The following KRT35 variants were observed in gnomAD, a reference collection of about 807,000 sequenced individuals.
KRT35 encodes keratin, type I cuticular Ha5.
KRT35 carries 33 observed loss-of-function variants against 42.2 expected under a neutral mutation model. The observed-to-expected ratio is 0.78, with a 90% confidence interval of 0.59 to 1.05. The LOEUF (loss-of-function observed/expected upper bound fraction) is 1.05, where lower values mean the gene tolerates loss of function less well. Ranked by LOEUF, KRT35 falls within the 50% of genes least tolerant of loss-of-function variation. The pLI, the probability that KRT35 is intolerant of heterozygous loss-of-function variation, is 0.00. For missense variants in KRT35, 585 were observed against 589.2 expected (o/e 0.99, Z 0.07); for synonymous variants, 218 against 238.2 (o/e 0.92, Z 0.78).
At chr17:41,479,276 C>G in intron 3 of KRT35, 71 bp downstream of exon 3, 8 of 1,517,970 alleles carry the variant, frequency 5.3e-6, no homozygotes, top group Non-Finnish European at 7.2e-6. Flanking sequence ...CAATGCTCAC[C>G]TCCTCCCCAT....
At chr17:41,478,257 A>G (rs1196631575) in intron 5 of KRT35, 104 bp downstream of exon 5, 1 of 1,299,104 alleles carries the variant, frequency 7.7e-7, no homozygotes, top group Non-Finnish European at 1.1e-6. Flanking sequence ...GCTCAAGAAC[A>G]TGGACCCCTG....
rs2019240766 is a variant in KRT35 at position 41,480,762 on chromosome 17, C to T, written c.336G>A (p.Leu112=). The T allele has an allele frequency of 1.2e-6, 2 of 1,614,256 alleles. No individual in the cohort carries two copies. The highest frequency in any genetic ancestry group is 1.7e-6 in the Non-Finnish European group (2 of 1,180,048). Reference sequence around the variant, plus strand: ...CCTGCTCCAGCTGACGCACCTTCTCCAGGTAGCCGGCCAGGCGGTCGTTCA... The same window carrying T: ...CCTGCTCCAGCTGACGCACCTTCTCTAGGTAGCCGGCCAGGCGGTCGTTCA... ...QSLNDRLAGY[L]EKVRQLEQEN... The change falls in exon 1 of 7, where the codon CTG becomes CTA. Residue 112 remains leucine, a synonymous_variant. Transcript: ENST00000246639.
At chr17:41,478,284 T>C in intron 5 of KRT35, 77 bp downstream of exon 5, 1 of 1,536,834 alleles carries the variant, frequency 6.5e-7, no homozygotes, top group East Asian at 2.3e-5. Context: ...GCCTGTGTGG[T>C]CAAAGCATGG....
intron 3 of KRT35, 118 bp downstream of exon 3, chr17:41,479,229 C>G: frequency 8.4e-7 from 1 of 1,194,490 alleles, no homozygotes; most frequent in South Asian, 1.4e-5. Flanking sequence ...CACACCTGCT[C>G]CCTCATGTTC....
At chr17:41,480,106 G>A (rs1008493241) in intron 1 of KRT35, among the ~76,000 whole-genome samples, 5 of 152,168 alleles carry the variant, frequency 3.3e-5, no homozygotes, top group African/African-American at 9.7e-5. Flanking sequence ...GCATTTCATT[G>A]CCAACAACAT....
At chr17:41,480,547 T>C (rs2019237121) in intron 1 of KRT35, 80 bp downstream of exon 1, 5 of 1,112,044 alleles carry the variant, frequency 4.5e-6, no homozygotes, top group African/African-American at 3.1e-5. Flanking sequence ...ACTTCCAACA[T>C]GCCCTATGGG....
At chr17:41,477,381 T>C (rs1173101324) in intron 6 of KRT35, 137 bp downstream of exon 6, 2 of 1,359,718 alleles carry the variant, frequency 1.5e-6, no homozygotes, top group African/African-American at 1.5e-5. Context: ...AGTCACGTGA[T>C]GAGTTTTCAG....
At chr17:41,479,253 C>T (rs748504597) in intron 3 of KRT35, 94 bp downstream of exon 3, 9 of 1,266,390 alleles carry the variant, frequency 7.1e-6, no homozygotes, top group Non-Finnish European at 9.4e-6. Context: ...TCCCCCTATG[C>T]TCACCTCATC....
chr17:41,477,640 C>T lies in KRT35; in HGVS notation c.1098G>A (p.Leu366=). 6.2e-7 allele frequency: 1 copy of T among 1,614,250 alleles called. No individual in the cohort carries two copies. Among genetic ancestry groups the T allele is most frequent in the Non-Finnish European group, 8.5e-7 (1 of 1,180,058 alleles). ...GCTCCAGGTCAGCCCGGATCTCGGC[C>T]AGCTGGGCCTCCACGTTGGTGATCA... ...QCMITNVEAQ[L]AEIRADLERQ... The change falls in exon 6 of 7, where the codon CTG becomes CTA. Residue 366 remains leucine (L), a synonymous_variant. Transcript: ENST00000246639.
chr17:41,477,633 T>C lies in KRT35; in HGVS notation c.1105A>G (p.Ile369Val). The change falls in exon 6 of 7, where the codon ATC (isoleucine) becomes GTC (valine). Residue 369 changes from isoleucine (I) to valine (V), a missense_variant. Transcript: ENST00000246639. ...TTCTGCCGCTCCAGGTCAGCCCGGA[T>C]CTCGGCCAGCTGGGCCTCCACGTTG... ...ITNVEAQLAE[I>V]RADLERQNQE... 1 of 1,614,248 alleles carries C rather than the reference T, an allele frequency of 6.2e-7. No homozygotes were observed. The highest frequency in any genetic ancestry group is 1.6e-4 in the Middle Eastern group (1 of 6,062).
rs2019183727 is a variant in KRT35 at position 41,477,186 on chromosome 17, C to A, written c.1238G>T (p.Cys413Phe). ...CTTGGAGGGTGAGTAGTCAGGTGCA[C>A]ATGGGTTACAGGGGAGCCTAGAAAA... is the stretch of plus-strand genomic sequence containing the variant. ...SEDSKLPCNP[C>F]APDYSPSKSC... is the part of the protein sequence containing the mutation. Residue 413 changes from cysteine to phenylalanine, a missense_variant, in exon 7 of 7, where the codon TGT becomes TTT. Coordinates refer to ENST00000246639, the MANE Select transcript of KRT35 (RefSeq NM_002280.6). 2 of 1,613,822 alleles carry A rather than the reference C, an allele frequency of 1.2e-6. No individual in the cohort carries two copies. Among genetic ancestry groups the A allele is most frequent in the East Asian group, 4.5e-5 (2 of 44,880 alleles).
chr17:41,477,700 G>C lies in KRT35; in HGVS notation c.1038C>G (p.Ala346=). 1 of 1,614,260 alleles carries C rather than the reference G, an allele frequency of 6.2e-7. No individual in the cohort carries two copies. Among genetic ancestry groups the C allele is most frequent in the South Asian group, 1.1e-5 (1 of 91,090 alleles). ...ALESTLAETE[A]RYSSQLAQMQ... is the part of the protein sequence containing the mutation. The stretch of plus-strand genomic sequence containing the variant: ...TCTGGGCCAGCTGGGAGCTATAGCG[G>C]GCCTCCGTCTCTGCCAGGGTGGATT... The change falls in exon 6 of 7, where the codon GCC becomes GCG. Residue 346 remains alanine (A), a synonymous_variant. Transcript: ENST00000246639.
At chr17:41,480,325 C>T (rs991488977) in intron 1 of KRT35, among the ~76,000 whole-genome samples, 9 of 152,184 alleles carry the variant, frequency 5.9e-5, no homozygotes, top group African/African-American at 2.2e-4. Context: ...GAAATGAAAA[C>T]TCAGAAGACT....
Position 41,477,483 on chromosome 17 carries a change from A to G in KRT35, c.1220+35T>C, listed in dbSNP as rs1481347779. ...GTCTTCCCAGAACTTGGTAGATTGC[A>G]GTGAGAAGACAAGAGCACATGCAGT... On this transcript the variant is annotated intron_variant, in intron 6 of 6. Transcript: ENST00000246639. 4 of 1,609,218 alleles carry G rather than the reference A, an allele frequency of 2.5e-6. No individual in the cohort carries two copies. In the East Asian group the frequency reaches 8.9e-5, roughly 36 times the overall value.
intron 5 of KRT35, 71 bp from the exon 6 acceptor site, chr17:41,477,809 C>T: frequency 6.6e-7 from 1 of 1,518,048 alleles, no homozygotes; most frequent in Non-Finnish European, 8.9e-7. Context: ...AGGAATCTTC[C>T]TTGGAGCTAT....
In KRT35 at chr17:41,480,667, T is replaced by C; in HGVS notation, c.431A>G (p.Tyr144Cys). ...CTCGATGGTCCGGAAGTAGGACTGGTAGTCAGGGCACATGTAGGGGACCTG... is the reference window on the plus strand; with the variant it reads ...CTCGATGGTCCGGAAGTAGGACTGGCAGTCAGGGCACATGTAGGGGACCTG... The part of the protein sequence containing the change: ...EQQVPYMCPD[Y>C]QSYFRTIEEL... Residue 144 changes from tyrosine (Y) to cysteine (C), a missense_variant, in exon 1 of 7, where the codon TAC becomes TGC. By Grantham distance (194) the Tyr-to-Cys change is radical. Transcript: ENST00000246639. 1.9e-6 allele frequency: 3 copies of C among 1,614,138 alleles called. No homozygotes were observed. In the Admixed American group the frequency reaches 5.0e-5, roughly 27 times the overall value.
chr17:41,477,527 T>A lies in KRT35; in HGVS notation c.1211A>T (p.Glu404Val). The change falls in exon 6 of 7, where the codon GAG becomes GTG. Residue 404 changes from glutamate (E) to valine (V), a missense_variant. Coordinates refer to ENST00000246639, the MANE Select transcript of KRT35 (RefSeq NM_002280.6). ...ATGCAGTGATACTCACTTGCTGTCC[T>A]CACTCTCCAGCAGGCCCCGGTACGT... ...INTYRGLLES[E>V]DSKLPCNPCA... is the part of the protein sequence containing the mutation. 6.2e-7 allele frequency: 1 copy of A among 1,613,348 alleles called. No individual in the cohort carries two copies.
At chr17:41,477,832 T>G in intron 5 of KRT35, 94 bp from the exon 6 acceptor site, 1 of 1,439,372 alleles carries the variant, frequency 6.9e-7, no homozygotes, top group South Asian at 1.4e-5. Context: ...CGGGCCTCCG[T>G]CTCTGCCAGG....
chr17:41,478,498 A>G lies in KRT35; in HGVS notation c.874-12T>C, dbSNP rs1567706285. The G allele has an allele frequency of 5.0e-6, 8 of 1,612,586 alleles. No individual in the cohort carries two copies. Among genetic ancestry groups the G allele is most frequent in the East Asian group, 2.2e-5 (1 of 44,858 alleles). On this transcript the variant is annotated splice_polypyrimidine_tract_variant and intron_variant, in intron 4 of 6. Coordinates refer to ENST00000246639, the MANE Select transcript of KRT35 (RefSeq NM_002280.6). Reference sequence around the variant, plus strand: ...TTCAGCTCCTCACTCTGAAACATACACACACAGAACCTGGTCAGCCACACC... The same window carrying G: ...TTCAGCTCCTCACTCTGAAACATACGCACACAGAACCTGGTCAGCCACACC...
Sources: allele counts gnomAD v4.1 joint callset (sites outside exome capture counted in the v4.1 genomes callset), GRCh38; gene constraint gnomAD v4.1.1; transcripts MANE v1.5; gene names NCBI Gene and HGNC (gene_info 2026-07-23, HGNC 2026-07-21).